EML6: variants seen among roughly 807,000 people sequenced by gnomAD.
EML6 encodes echinoderm microtubule-associated protein-like 6.
EML6 carries 154 observed loss-of-function variants against 240.1 expected under a neutral mutation model. The ratio of observed to expected loss-of-function variants is 0.64; its 90% CI spans 0.56 to 0.73. The LOEUF is 0.73. Ranked by LOEUF, EML6 falls within the 30% of genes least tolerant of loss-of-function variation. EML6 has a pLI of 0.00. For missense variants in EML6, 2,964 were observed against 2,474.6 expected (o/e 1.20, Z -4.20); for synonymous variants, 1,148 against 899.0 (o/e 1.28, Z -4.95).
intron 2 of EML6, among the ~76,000 whole-genome samples, chr2:54,764,615 A>G (rs1480942424): frequency 6.6e-6 from 1 of 152,234 alleles, no homozygotes; most frequent in Non-Finnish European, 1.5e-5. Context: ...TTTGGGGAAG[A>G]TAAAATTAAA....
chr2:54,829,625 G>A, intron 7 of EML6, 148 bp downstream of exon 7: 1 of 605,120 alleles, frequency 1.7e-6, no homozygotes. Context: ...AAAAGTAAAT[G>A]GATGTCCTTT....
chr2:54,791,215 C>G (rs1174292013), intron 2 of EML6, among the ~76,000 whole-genome samples: 1 of 151,972 alleles, frequency 6.6e-6, no homozygotes, highest in South Asian at 2.1e-4. Context: ...CACGTGGGAA[C>G]ACAGATGATG....
At chr2:54,856,682 C>T (rs1409272489) in intron 11 of EML6, among the ~76,000 whole-genome samples, 2 of 152,158 alleles carry the variant, frequency 1.3e-5, no homozygotes, top group East Asian at 3.8e-4. Flanking sequence ...GAGTTGCGTA[C>T]CGTGACATTG....
chr2:54,968,888 T>G, intron 41 of EML6, 120 bp downstream of exon 41: 1 of 605,282 alleles, frequency 1.7e-6, no homozygotes, highest in East Asian at 2.8e-5. Flanking sequence ...GTGGGGCTAA[T>G]AAACAGGAAA....
rs181509220 is a variant in EML6 at position 54,800,341 on chromosome 2, A to G, written c.198-12891A>G. On this transcript the variant is annotated intron_variant, in intron 2 of 41. Transcript: ENST00000356458. ...TGTTAAAGGTATCCCCCACTGTTCC[A>G]TCAGATTGGAAGGTGATCCTCAAAT... Among the ~76,000 whole-genome samples the G allele has an allele frequency of 2.2e-3, 339 of 152,314 alleles. 2 individuals carry two copies. Among genetic ancestry groups the G allele is most frequent in the Non-Finnish European group, 3.7e-3 (253 of 68,020 alleles).
intron 24 of EML6, among the ~76,000 whole-genome samples, chr2:54,904,905 G>A (rs1206511257): frequency 1.3e-5 from 2 of 152,218 alleles, no homozygotes; most frequent in Non-Finnish European, 1.5e-5. Flanking sequence ...CTTCTGCCTG[G>A]CAGGTATTTA....
chr2:54,753,975 A>C (rs1354910276), intron 2 of EML6, among the ~76,000 whole-genome samples: 1 of 151,836 alleles, frequency 6.6e-6, no homozygotes, highest in Admixed American at 6.6e-5. Flanking sequence ...TCTCTACTAA[A>C]AATAGAAAAA....
intron 22 of EML6, among the ~76,000 whole-genome samples, chr2:54,901,888 C>T (rs1191812757): frequency 6.6e-6 from 1 of 152,202 alleles, no homozygotes; most frequent in African/African-American, 2.4e-5. Flanking sequence ...TTTAGACATA[C>T]CTTTGCAAAG....
At chr2:54,882,897 C>G (rs1238582246) in intron 17 of EML6, 1 of 98,116 alleles carries the variant, frequency 1.0e-5, no homozygotes, top group Non-Finnish European at 2.3e-5. Flanking sequence ...ACACACTAAG[C>G]TTATGCATAT....
intron 10 of EML6, among the ~76,000 whole-genome samples, chr2:54,852,784 T>G (rs1191889294): frequency 6.6e-6 from 1 of 152,244 alleles, no homozygotes; most frequent in African/African-American, 2.4e-5. Context: ...TTGAAAATAC[T>G]TATTCTGAGA....
intron 2 of EML6, chr2:54,748,300 A>C (rs1456758964): frequency 6.6e-6 from 1 of 152,212 alleles, no homozygotes; most frequent in Non-Finnish European, 1.5e-5. Flanking sequence ...TATGATTCTT[A>C]GTTGAAGCTA....
At chr2:54,905,321 GACACACACACACACACACACAC>G (rs70944194) in intron 24 of EML6, among the ~76,000 whole-genome samples, 41 of 121,654 alleles carry the variant, frequency 3.4e-4, no homozygotes, top group Middle Eastern at 4.1e-3. Flanking sequence ...TTTAGAATCC[GACACACACACACACACACACAC>G]ACACACACAC....
At chr2:54,875,635 C>T (rs1381740035) in intron 16 of EML6, among the ~76,000 whole-genome samples, 1 of 152,192 alleles carries the variant, frequency 6.6e-6, no homozygotes, top group Non-Finnish European at 1.5e-5. Flanking sequence ...AAACAAAAGA[C>T]ATTTTTAGTC....
At chr2:54,912,514 G>C (rs1001610973) in intron 25 of EML6, among the ~76,000 whole-genome samples, 5 of 152,172 alleles carry the variant, frequency 3.3e-5, no homozygotes, top group African/African-American at 4.8e-5. Flanking sequence ...GCATCACCCA[G>C]GTAGAGAGCA....
chr2:54,869,184 T>C lies in EML6; in HGVS notation c.2055T>C (p.Tyr685=), dbSNP rs55797267. The C allele has an allele frequency of 8.2e-3, 12,735 of 1,548,182 alleles. 750 individuals are homozygous for C. In the African/African-American group the frequency reaches 0.13, roughly 16 times the overall value. ...DSLKLQFIHG[Y]RGYDCRNNLF... ...ATTTCTTGGACCTGTGCTTCAGTTA[T>C]AGAGGCTACGACTGTAGAAACAATC... The change falls in exon 15 of 42, where the codon TAT becomes TAC. Residue 685 remains tyrosine, a synonymous_variant. Transcript: ENST00000356458.
chr2:54,827,181 A>C (rs1213642058), intron 5 of EML6, among the ~76,000 whole-genome samples: 2 of 152,198 alleles, frequency 1.3e-5, no homozygotes, highest in African/African-American at 4.8e-5. Flanking sequence ...TTTTATACTT[A>C]TCTGTGTTTC....
intron 11 of EML6, among the ~76,000 whole-genome samples, chr2:54,858,634 A>T (rs1363975607): frequency 3.3e-5 from 5 of 152,002 alleles, no homozygotes; most frequent in African/African-American, 1.2e-4. Context: ...AATTCCCCTA[A>T]TTTTTCTCAG....
At chr2:54,869,410 T>G (rs1283781620) in intron 15 of EML6, 43 bp downstream of exon 15, 1 of 1,410,824 alleles carries the variant, frequency 7.1e-7, no homozygotes, top group Admixed American at 2.5e-5. Flanking sequence ...AAAAGAGAAT[T>G]TAATTTTTGA....
intron 10 of EML6, among the ~76,000 whole-genome samples, chr2:54,852,251 C>G (rs13033818): frequency 6.6e-6 from 1 of 152,032 alleles, no homozygotes; most frequent in East Asian, 1.9e-4. Context: ...TTACATAATA[C>G]TCATTTATTA....
Sources: allele counts gnomAD v4.1 joint callset (sites outside exome capture counted in the v4.1 genomes callset), GRCh38; gene constraint gnomAD v4.1.1; transcripts MANE v1.5; gene names NCBI Gene and HGNC (gene_info 2026-07-23, HGNC 2026-07-21).